The following PCDHA1 variants were observed in gnomAD, a reference collection of about 807,000 sequenced individuals.
PCDHA1 encodes protocadherin alpha 1.
Under a neutral mutation model 61.3 loss-of-function variants are expected in PCDHA1, and 42 were observed. The ratio of observed to expected loss-of-function variants is 0.69; its 90% CI spans 0.54 to 0.89. PCDHA1 has a LOEUF of 0.89. PCDHA1 is among the 40% of genes least tolerant of loss of function. PCDHA1 has a pLI of 0.00. For missense variants in PCDHA1, 1,256 were observed against 1,235.3 expected (o/e 1.02, Z -0.25); for synonymous variants, 610 against 553.8 (o/e 1.10, Z -1.43).
At chr5:140,929,038 C>T in intron 1 of PCDHA1, 2 of 1,614,158 alleles carry the variant, frequency 1.2e-6, no homozygotes, top group South Asian at 1.1e-5. Context: ...CTGTTGCGCT[C>T]AGAGCTGCTG....
intron 1 of PCDHA1, chr5:140,824,068 A>C (rs781864798): frequency 1.2e-6 from 2 of 1,614,142 alleles, no homozygotes. Flanking sequence ...AGCTCCACCC[A>C]AAACAGACCT....
intron 3 of PCDHA1, among the ~76,000 whole-genome samples, chr5:140,990,006 G>T (rs1249732911): frequency 1.3e-5 from 2 of 152,116 alleles, no homozygotes; most frequent in Non-Finnish European, 2.9e-5. Flanking sequence ...ATCTCCAAGG[G>T]CGTGGGCTAG....
chr5:140,927,676 G>A (rs2084491623), intron 1 of PCDHA1: 1 of 1,614,192 alleles, frequency 6.2e-7, no homozygotes, highest in South Asian at 1.1e-5. Flanking sequence ...GGATCCAGAT[G>A]AAGGGTCCAA....
intron 1 of PCDHA1, among the ~76,000 whole-genome samples, chr5:140,789,770 C>A (rs6898939): frequency 0.57 from 86,665 of 152,048 alleles, 25,273 homozygotes; most frequent in African/African-American, 0.68. Flanking sequence ...TGAAGACTTT[C>A]GTCACATTTT....
intron 1 of PCDHA1, chr5:140,870,875 C>A (rs1235290760): frequency 6.2e-7 from 1 of 1,613,912 alleles, no homozygotes; most frequent in Non-Finnish European, 8.5e-7. Flanking sequence ...CACGTGGTGG[C>A]GAAGGTGCGC....
Position 140,786,585 on chromosome 5 carries a change from A to T in PCDHA1, c.295A>T (p.Ser99Cys). 1 of 1,614,208 alleles carries T rather than the reference A, an allele frequency of 6.2e-7. No individual in the cohort carries two copies. Among genetic ancestry groups the T allele is most frequent in the South Asian group, 1.1e-5 (1 of 91,084 alleles). Reference sequence around the variant, plus strand: ...CGATCGCGAGGAGCTGTGCCAGTGGAGCGCGGAGTGCAGCATCCACCTGGA... The same window carrying T: ...CGATCGCGAGGAGCTGTGCCAGTGGTGCGCGGAGTGCAGCATCCACCTGGA... ...RIDREELCQW[S>C]AECSIHLELI... The change falls in exon 1 of 4, where the codon AGC becomes TGC. Residue 99 changes from serine (S) to cysteine (C), a missense_variant. Ser to Cys is a moderately radical substitution (Grantham distance 112). Transcript: ENST00000504120.
rs2150365514 is a variant in PCDHA1 at position 140,843,720 on chromosome 5, G to C, written c.2394+55036G>C. 5.1e-6 allele frequency: 8 copies of C among 1,565,554 alleles called. 1 individual carries two copies. The South Asian group carries it at 9.0e-5, about 18-fold the overall frequency. ...AATGTTGATCATGGCCTCAAAGTAA[G>C]TCCATTTAAATTTAGAACTCATAAA... is the stretch of plus-strand genomic sequence containing the variant. On this transcript the variant is annotated intron_variant, in intron 1 of 3. Coordinates refer to ENST00000504120, the MANE Select transcript of PCDHA1 (RefSeq NM_018900.4).
chr5:140,830,435 A>G (rs1771062233), intron 1 of PCDHA1: 2 of 1,613,132 alleles, frequency 1.2e-6, no homozygotes, highest in African/African-American at 2.7e-5. Context: ...TTGTCCTATT[A>G]TGATGGGTAA....
At chr5:140,920,959 T>G (rs2079949518) in intron 1 of PCDHA1, among the ~76,000 whole-genome samples, 1 of 152,072 alleles carries the variant, frequency 6.6e-6, no homozygotes, top group Non-Finnish European at 1.5e-5. Flanking sequence ...ACTACACATG[T>G]AGTACTAGAG....
At chr5:140,943,500 G>C (rs907493905) in intron 1 of PCDHA1, among the ~76,000 whole-genome samples, 1 of 152,048 alleles carries the variant, frequency 6.6e-6, no homozygotes, top group Admixed American at 6.6e-5. Context: ...TGCTATCAAG[G>C]TTCATGGAAA....
intron 1 of PCDHA1, chr5:140,801,801 C>A (rs1554121712): frequency 2.5e-6 from 4 of 1,613,954 alleles, no homozygotes; most frequent in Non-Finnish European, 3.4e-6. Flanking sequence ...AAATTTAAAT[C>A]GAGAGGACAC....
chr5:140,891,374 A>G (rs960838202), intron 1 of PCDHA1, among the ~76,000 whole-genome samples: 11 of 151,996 alleles, frequency 7.2e-5, no homozygotes, highest in Non-Finnish European at 1.3e-4. Flanking sequence ...TATACATTGC[A>G]CCATATTTGC....
In PCDHA1 at chr5:140,924,786, T is replaced by G. The variant is rs2082007959; in HGVS notation, c.2395-54163T>G. Reference sequence around the variant, plus strand: ...GGTGCGCGCTTGTAGTCCTAGCTACTTAGGAGGCTGAGGCAAGAGAATCGC... The same window carrying G: ...GGTGCGCGCTTGTAGTCCTAGCTACGTAGGAGGCTGAGGCAAGAGAATCGC... On this transcript the variant is annotated intron_variant, in intron 1 of 3. Coordinates refer to ENST00000504120, the MANE Select transcript of PCDHA1 (RefSeq NM_018900.4). Among the ~76,000 whole-genome samples the G allele has an allele frequency of 4.6e-5, 7 of 151,720 alleles. No homozygotes were observed. In the South Asian group the frequency reaches 1.2e-3, roughly 27 times the overall value.
Position 140,870,153 on chromosome 5 carries a change from C to T in PCDHA1, c.2394+81469C>T, listed in dbSNP as rs537593818. 3.1e-6 allele frequency: 5 copies of T among 1,613,972 alleles called. No individual in the cohort carries two copies. The East Asian group carries it at 8.9e-5, about 29-fold the overall frequency. On this transcript the variant is annotated intron_variant, in intron 1 of 3. Transcript: ENST00000504120. ...CCAACGATAACTCTCCTGAAGTCGC[C>T]GTGACTTCCTTGTCCCTCCCAGTAC...
At chr5:140,794,969 C>A in intron 1 of PCDHA1, 1 of 1,607,304 alleles carries the variant, frequency 6.2e-7, no homozygotes, top group Non-Finnish European at 8.5e-7. Flanking sequence ...TTGGTAATGG[C>A]GTCTTCTATC....
At chr5:140,824,904 G>A (rs1768387762) in intron 1 of PCDHA1, 2 of 152,018 alleles carry the variant, frequency 1.3e-5, no homozygotes, top group South Asian at 2.1e-4. Flanking sequence ...TGCCTAAGCA[G>A]TTCACCTGTA....
At chr5:140,822,944 C>T (rs2150120585) in intron 1 of PCDHA1, 2 of 1,614,240 alleles carry the variant, frequency 1.2e-6, no homozygotes, top group South Asian at 1.1e-5. Context: ...TCCCTAATGC[C>T]CCACGTTCCC....
intron 1 of PCDHA1, chr5:140,823,663 A>T (rs2150128045): frequency 1.2e-6 from 2 of 1,614,010 alleles, no homozygotes; most frequent in Admixed American, 1.7e-5. Flanking sequence ...CACAGGCGAG[A>T]TCAGCACAAC....
chr5:140,808,584 A>G (rs1301708433), intron 1 of PCDHA1: 1 of 1,614,032 alleles, frequency 6.2e-7, no homozygotes, highest in East Asian at 2.2e-5. Context: ...TTCGTGAAGG[A>G]GAACAACCCG....
Sources: allele counts gnomAD v4.1 joint callset (sites outside exome capture counted in the v4.1 genomes callset), GRCh38; gene constraint gnomAD v4.1.1; transcripts MANE v1.5; gene names NCBI Gene and HGNC (gene_info 2026-07-23, HGNC 2026-07-21).